Variants in FUT8 observed in about 807,000 individuals in gnomAD.
The protein encoded by FUT8 is fucosyltransferase 8.
A neutral mutation model predicts 71.3 loss-of-function variants in FUT8; 29 were observed. That is an observed-to-expected ratio of 0.41 (90% CI 0.30 to 0.55). The LOEUF is 0.55. FUT8 is among the 20% of genes least tolerant of loss of function. The probability of loss-of-function intolerance (pLI) is 0.34; values close to 1 mark genes in which losing one functional copy is unlikely to be tolerated. For missense variants in FUT8, 544 were observed against 702.1 expected, an observed-to-expected ratio of 0.77 and a Z score of 2.55; for synonymous variants, 254 against 239.3, an observed-to-expected ratio of 1.06 and a Z score of -0.57.
chr14:65,371,655 T>A, the FUT8 span, among the ~76,000 whole-genome samples: 1 of 152,244 alleles, frequency 6.6e-6, no homozygotes, highest in Non-Finnish European at 1.5e-5. Context: ...GCTTAGTCAT[T>A]AGGAGTCCTT....
Position 65,412,814 on chromosome 14 carries a change from T to G in FUT8, c.-726T>G, listed in dbSNP as rs2065154940. The G allele has an allele frequency of 1.2e-5, 2 of 167,124 alleles. No individual in the cohort carries two copies. Among genetic ancestry groups the G allele is most frequent in the Admixed American group, 6.4e-5 (1 of 15,514 alleles). 10.4% of individuals were successfully genotyped at this position (167,124 alleles called of 1,614,324 possible). A position where few individuals can be genotyped will look rare whatever the true frequency, so the allele number is the denominator to read the frequency against. On this transcript the variant is annotated 5_prime_UTR_variant, in exon 1 of 11. Transcript: ENST00000673929. ...CGCTCCGGCGCGTGCGCGCGTTATC[T>G]CCGGCCGACCCGAGCAGCCGGTTCC...
At chr14:65,541,380 A>T (rs1292138508) in intron 2 of FUT8, among the ~76,000 whole-genome samples, 1 of 152,208 alleles carries the variant, frequency 6.6e-6, no homozygotes, top group Non-Finnish European at 1.5e-5. Context: ...AGTGGTGTGA[A>T]TTAGTCCAAG....
intron 2 of FUT8, among the ~76,000 whole-genome samples, chr14:65,559,685 T>A (rs945788701): frequency 2.0e-5 from 3 of 152,184 alleles, no homozygotes; most frequent in African/African-American, 7.2e-5. Flanking sequence ...AATCAATTTC[T>A]TATGCCATCA....
chr14:65,708,840 G>A (rs1363521536), intron 7 of FUT8, among the ~76,000 whole-genome samples: 9 of 152,184 alleles, frequency 5.9e-5, no homozygotes, highest in African/African-American at 1.4e-4. Flanking sequence ...TGCTGCGGTC[G>A]GGGGATGGTG....
At chr14:65,693,692 A>C (rs892354015) in intron 7 of FUT8, among the ~76,000 whole-genome samples, 3 of 152,160 alleles carry the variant, frequency 2.0e-5, no homozygotes, top group African/African-American at 4.8e-5. Flanking sequence ...TATTAGTGTA[A>C]TATTAGCCTC....
At chr14:65,458,163 C>T (rs1474940432) in intron 2 of FUT8, 1 of 135,008 alleles carries the variant, frequency 7.4e-6, no homozygotes, top group Non-Finnish European at 1.5e-5. Flanking sequence ...GCCTGGGCGA[C>T]AGAGCGAGAC....
chr14:65,503,868 A>G (rs180988161), intron 2 of FUT8, among the ~76,000 whole-genome samples: 13 of 152,358 alleles, frequency 8.5e-5, no homozygotes, highest in Non-Finnish European at 1.3e-4. Flanking sequence ...AAAAAGCTCA[A>G]TGTTAGGATC....
At chr14:65,430,359 A>G (rs1442277992) in intron 1 of FUT8, 1 of 152,156 alleles carries the variant, frequency 6.6e-6, no homozygotes, top group Non-Finnish European at 1.5e-5. Flanking sequence ...GTGTTATGCC[A>G]TATTTATTTT....
At chr14:65,692,937 C>T (rs1364605401) in intron 7 of FUT8, among the ~76,000 whole-genome samples, 4 of 151,818 alleles carry the variant, frequency 2.6e-5, no homozygotes, top group Admixed American at 6.6e-5. Flanking sequence ...CTCCTCACTT[C>T]CTAGATGGGA....
intron 6 of FUT8, 91 bp downstream of exon 6, chr14:65,629,697 C>T (rs183212066): frequency 1.1e-6 from 1 of 871,370 alleles, no homozygotes; most frequent in Non-Finnish European, 1.9e-6. Context: ...TTTTAGTCTT[C>T]CTGGCCCTTG....
chr14:65,455,778 A>C, intron 2 of FUT8, 60 bp downstream of exon 2: 1 of 396,938 alleles, frequency 2.5e-6, no homozygotes, highest in East Asian at 3.6e-5. Flanking sequence ...ATTTTGAGAA[A>C]TAGATAATTT....
intron 6 of FUT8, chr14:65,646,122 CAT>C (rs1891114964): frequency 6.6e-6 from 1 of 152,146 alleles, no homozygotes; most frequent in Admixed American, 6.5e-5. Flanking sequence ...ATCCAGGTAA[CAT>C]AGCACAAGCC....
the FUT8 span, among the ~76,000 whole-genome samples, chr14:65,383,591 A>G: frequency 1.3e-5 from 2 of 152,134 alleles, no homozygotes; most frequent in African/African-American, 4.8e-5. Context: ...CTTTTACCCA[A>G]GAATAAAATA....
chr14:65,739,736 G>A (rs1169295115), intron 10 of FUT8, among the ~76,000 whole-genome samples: 1 of 151,992 alleles, frequency 6.6e-6, no homozygotes, highest in Non-Finnish European at 1.5e-5. Flanking sequence ...ATATGAACAT[G>A]GAGAATAAGA....
At chr14:65,424,802 G>A (rs1186600938) in intron 1 of FUT8, among the ~76,000 whole-genome samples, 3 of 151,926 alleles carry the variant, frequency 2.0e-5, no homozygotes, top group Non-Finnish European at 4.4e-5. Context: ...TGGGACTGCA[G>A]GTGCATGCTA....
chr14:65,677,151 T>TGTGTGTGCGCGCGCGCGC, intron 7 of FUT8, among the ~76,000 whole-genome samples: 53 of 110,742 alleles, frequency 4.8e-4, no homozygotes, highest in Non-Finnish European at 7.5e-4. Context: ...TGTGTGTGTG[T>TGTGTGTGCGCGCGCGCGC]GCGCGCGCGC....
intron 3 of FUT8, among the ~76,000 whole-genome samples, chr14:65,606,197 C>T (rs573229359): frequency 9.9e-5 from 15 of 151,144 alleles, no homozygotes; most frequent in African/African-American, 3.4e-4. Context: ...CTCAGCCTCC[C>T]GAGTAGTTGG....
intron 7 of FUT8, among the ~76,000 whole-genome samples, chr14:65,678,673 G>A (rs918246340): frequency 1.3e-5 from 2 of 152,176 alleles, no homozygotes; most frequent in African/African-American, 4.8e-5. Context: ...CTCTGTGGGA[G>A]CTAACGCTTA....
At chr14:65,673,635 G>A (rs1056609025) in intron 7 of FUT8, among the ~76,000 whole-genome samples, 2 of 152,154 alleles carry the variant, frequency 1.3e-5, no homozygotes, top group African/African-American at 4.8e-5. Flanking sequence ...GAGTCACTGG[G>A]GGAACTAGTA....
Sources: allele counts gnomAD v4.1 joint callset (sites outside exome capture counted in the v4.1 genomes callset), GRCh38; gene constraint gnomAD v4.1.1; transcripts MANE v1.5; gene names NCBI Gene and HGNC (gene_info 2026-07-23, HGNC 2026-07-21).